GNA12: variants seen among roughly 807,000 people sequenced by gnomAD.
GNA12 encodes G protein subunit alpha 12.
In GNA12, 9 loss-of-function variants were observed where a neutral mutation model predicts 26.0. The observed-to-expected ratio is 0.35, with a 90% CI of 0.21 to 0.60. GNA12 has a LOEUF of 0.60. Among genes scored for constraint, GNA12 ranks in the 20% least tolerant of loss-of-function variants. GNA12 has a pLI of 0.78. For missense variants in GNA12, 405 were observed against 525.8 expected (o/e 0.77, Z 2.25); for synonymous variants, 264 against 219.6 (o/e 1.20, Z -1.79).
chr7:2,761,982 G>T (rs1001126306), intron 2 of GNA12, among the ~76,000 whole-genome samples: 2 of 152,138 alleles, frequency 1.3e-5, no homozygotes, highest in African/African-American at 4.8e-5. Context: ...CAGCACCACA[G>T]CCTAACCTCA....
intron 2 of GNA12, among the ~76,000 whole-genome samples, chr7:2,736,570 G>A (rs531442463): frequency 1.5e-4 from 23 of 152,270 alleles, no homozygotes; most frequent in Non-Finnish European, 1.6e-4. Context: ...AGGTTGATAT[G>A]GGGCCTGTGC....
At chr7:2,751,724 T>C (rs1791048927) in intron 2 of GNA12, among the ~76,000 whole-genome samples, 1 of 152,234 alleles carries the variant, frequency 6.6e-6, no homozygotes. Flanking sequence ...TAAGAGAATG[T>C]TCCAAACAAC....
intron 2 of GNA12, among the ~76,000 whole-genome samples, chr7:2,734,913 C>G (rs1475350072): frequency 6.6e-6 from 1 of 152,154 alleles, no homozygotes; most frequent in African/African-American, 2.4e-5. Context: ...GGTGAACGTA[C>G]CCCAAGGGCC....
chr7:2,742,381 G>A (rs980725049), intron 2 of GNA12, among the ~76,000 whole-genome samples: 1 of 152,178 alleles, frequency 6.6e-6, no homozygotes, highest in Non-Finnish European at 1.5e-5. Context: ...GATGTCTCCA[G>A]TGTTTAACAT....
At chr7:2,736,432 CAG>C (rs144880119) in intron 2 of GNA12, among the ~76,000 whole-genome samples, 16,253 of 152,222 alleles carry the variant, frequency 0.11, 1,004 homozygotes, top group Middle Eastern at 0.18. Flanking sequence ...ACACACCTGA[CAG>C]GGGCCTGTCC....
At chr7:2,741,615 G>C (rs3846991) in intron 2 of GNA12, among the ~76,000 whole-genome samples, 46,511 of 151,882 alleles carry the variant, frequency 0.31, 7,161 homozygotes, top group Middle Eastern at 0.34. Flanking sequence ...ATAGTACAAA[G>C]AGCTCATACA....
chr7:2,824,782 T>C (rs1325359240), intron 1 of GNA12, among the ~76,000 whole-genome samples: 1 of 151,946 alleles, frequency 6.6e-6, no homozygotes, highest in Non-Finnish European at 1.5e-5. Context: ...CAAACCGCAA[T>C]AAAAAAATCC....
intron 1 of GNA12, among the ~76,000 whole-genome samples, chr7:2,801,530 G>A (rs2644312): frequency 0.25 from 37,768 of 151,998 alleles, 5,255 homozygotes; most frequent in Non-Finnish European, 0.3. Flanking sequence ...CGCCCAAGCA[G>A]GCTGGAGCTG....
intron 1 of GNA12, among the ~76,000 whole-genome samples, chr7:2,842,003 G>A (rs1779001923): frequency 6.9e-6 from 1 of 144,114 alleles, no homozygotes; most frequent in African/African-American, 2.5e-5. Context: ...TAGAGAGGTA[G>A]GGAGGGAGGG....
At chr7:2,836,119 C>CA (rs35734348) in intron 1 of GNA12, 92,869 of 225,194 alleles carry the variant, frequency 0.41, 19,820 homozygotes, top group Admixed American at 0.47. Flanking sequence ...GCAATCTTTA[C>CA]AAAAAAATCA....
intron 2 of GNA12, among the ~76,000 whole-genome samples, chr7:2,745,228 A>G (rs563268797): frequency 2.6e-4 from 40 of 152,364 alleles, no homozygotes; most frequent in African/African-American, 8.9e-4. Flanking sequence ...CAGATTCACC[A>G]AAGTTGAAAT....
chr7:2,743,829 C>G (rs1221390836), intron 2 of GNA12, among the ~76,000 whole-genome samples: 2 of 152,116 alleles, frequency 1.3e-5, no homozygotes, highest in African/African-American at 2.4e-5. Flanking sequence ...CACCCTAACA[C>G]TGCACTTTCC....
chr7:2,840,006 CAGAAT>C (rs1237307784), intron 1 of GNA12, among the ~76,000 whole-genome samples: 3 of 152,090 alleles, frequency 2.0e-5, no homozygotes, highest in Non-Finnish European at 4.4e-5. Flanking sequence ...AAAACAACAA[CAGAAT>C]AGATTATTCA....
At chr7:2,745,514 AG>A (rs1205874807) in intron 2 of GNA12, among the ~76,000 whole-genome samples, 1 of 152,246 alleles carries the variant, frequency 6.6e-6, no homozygotes, top group Non-Finnish European at 1.5e-5. Context: ...GAACTCCTGA[AG>A]GAAGTGCTAA....
At chr7:2,808,943 A>G (rs1793013718) in intron 1 of GNA12, among the ~76,000 whole-genome samples, 1 of 152,136 alleles carries the variant, frequency 6.6e-6, no homozygotes, top group Admixed American at 6.5e-5. Flanking sequence ...CTGGTTCCTG[A>G]CAACTGAAAC....
At chr7:2,787,719 G>A (rs548435651) in intron 2 of GNA12, among the ~76,000 whole-genome samples, 14 of 152,378 alleles carry the variant, frequency 9.2e-5, no homozygotes, top group African/African-American at 3.1e-4. Context: ...CGGGAAGGGG[G>A]AGAGGCCGGG....
In GNA12 at chr7:2,785,740, A is replaced by G. The variant is rs535774225; in HGVS notation, c.525+9188T>C. Among the ~76,000 whole-genome samples, 562 of 152,270 alleles carry G rather than the reference A, an allele frequency of 3.7e-3. 6 individuals carry two copies. Among genetic ancestry groups the G allele is most frequent in the South Asian group, 0.023 (109 of 4,816 alleles). ...CAGATAAACAAGCTGTGGTACCTCC[A>G]TACTAGGGAATACTACTCAGAAATA... On this transcript the variant is annotated intron_variant, in intron 2 of 3. Coordinates refer to ENST00000275364, the MANE Select transcript of GNA12 (RefSeq NM_007353.3).
chr7:2,771,294 C>CA lies in GNA12; in HGVS notation c.525+23633dup, dbSNP rs1055331470. On this transcript the variant is annotated intron_variant, in intron 2 of 3. Coordinates refer to ENST00000275364, the MANE Select transcript of GNA12 (RefSeq NM_007353.3). Reference sequence around the variant, plus strand: ...CGACAGAGCAAGACTCCCTGCCACTCAAAAAAAACCAAAAAACCAAAAAAA... The same window carrying CA: ...CGACAGAGCAAGACTCCCTGCCACTCAAAAAAAAACCAAAAAACCAAAAAAA... Among the ~76,000 whole-genome samples the CA allele has an allele frequency of 5.3e-5, 8 of 151,224 alleles. No homozygotes were observed. The South Asian group carries it at 6.3e-4, about 12-fold the overall frequency.
In GNA12 at chr7:2,782,840, T is replaced by G. The variant is rs115723280; in HGVS notation, c.525+12088A>C. Among the ~76,000 whole-genome samples the G allele has an allele frequency of 9.6e-3, 1,455 of 152,296 alleles. 26 individuals are homozygous for G. The highest frequency in any genetic ancestry group is 0.033 in the African/African-American group (1,384 of 41,548). ...TCCTGACCTTTTATATTCTCCCTTT[T>G]TGTCTCTCAGCTCTACATTCTTGAT... On this transcript the variant is annotated intron_variant, in intron 2 of 3. Coordinates refer to ENST00000275364, the MANE Select transcript of GNA12 (RefSeq NM_007353.3).
Sources: allele counts gnomAD v4.1 joint callset (sites outside exome capture counted in the v4.1 genomes callset), GRCh38; gene constraint gnomAD v4.1.1; transcripts MANE v1.5; gene names NCBI Gene and HGNC (gene_info 2026-07-23, HGNC 2026-07-21).